The following CHP1 variants were observed in gnomAD, a reference collection of about 807,000 sequenced individuals.
The protein encoded by CHP1 is calcineurin like EF-hand protein 1, also known as calcineurin B homologous protein 1.
In CHP1, 11 loss-of-function variants were observed where a neutral mutation model predicts 27.4. That is an observed-to-expected ratio of 0.40 (90% CI 0.25 to 0.67). The LOEUF is 0.67. CHP1 is among the 30% of genes least tolerant of loss of function. The pLI is 0.38. For synonymous variants in CHP1, 89 were observed against 87.4 expected, an observed-to-expected ratio of 1.02 and a Z score of -0.10; for missense variants, 169 against 251.3, an observed-to-expected ratio of 0.67 and a Z score of 2.22.
In CHP1 at chr15:41,278,902, C is replaced by T; in HGVS notation, c.534+13C>T. 1 of 1,613,790 alleles carries T rather than the reference C, an allele frequency of 6.2e-7. No homozygotes were observed. Among genetic ancestry groups the T allele is most frequent in the Non-Finnish European group, 8.5e-7 (1 of 1,179,856 alleles). On this transcript the variant is annotated intron_variant, in intron 6 of 6. Coordinates refer to ENST00000334660, the MANE Select transcript of CHP1 (RefSeq NM_007236.5). ...AGAATTTGTTAAGGTTGGTCACTTA[C>T]TTCTTGTTTGAAAAAGTTACGTTTT...
At chr15:41,261,184 T>C (rs1370177426) in intron 3 of CHP1, among the ~76,000 whole-genome samples, 1 of 151,420 alleles carries the variant, frequency 6.6e-6, no homozygotes, top group Admixed American at 6.6e-5. Flanking sequence ...TGACATAGTC[T>C]TGCTGTGTCA....
chr15:41,247,157 C>G (rs2047339389), intron 2 of CHP1, among the ~76,000 whole-genome samples: 1 of 151,222 alleles, frequency 6.6e-6, no homozygotes, highest in South Asian at 2.1e-4. Context: ...TCACTTGAGG[C>G]CAGGAGTTTG....
At chr15:41,258,107 C>T (rs116301020) in intron 3 of CHP1, among the ~76,000 whole-genome samples, 3,101 of 152,118 alleles carry the variant, frequency 0.02, 109 homozygotes, top group African/African-American at 0.071. Flanking sequence ...TACATACATG[C>T]CTACATGTAC....
chr15:41,254,313 TCAG>T (rs2047387142), intron 2 of CHP1, among the ~76,000 whole-genome samples: 3 of 152,194 alleles, frequency 2.0e-5, no homozygotes. Context: ...CTGCCTTTTC[TCAG>T]CTAAAGTTTC....
chr15:41,252,926 G>GTTTTTTTTTT (rs1567007144), intron 2 of CHP1, among the ~76,000 whole-genome samples: 2 of 109,050 alleles, frequency 1.8e-5, no homozygotes, highest in African/African-American at 6.8e-5. Context: ...TATTTCACAT[G>GTTTTTTTTTT]GTTTTTTTTT....
chr15:41,247,435 C>A (rs1437308848), intron 2 of CHP1, among the ~76,000 whole-genome samples: 1 of 151,618 alleles, frequency 6.6e-6, no homozygotes, highest in East Asian at 1.9e-4. Context: ...TTTGGGAGGC[C>A]GAGATGGGTG....
intron 2 of CHP1, among the ~76,000 whole-genome samples, chr15:41,244,224 A>G (rs1320273250): frequency 2.0e-5 from 3 of 151,430 alleles, no homozygotes; most frequent in African/African-American, 7.3e-5. Flanking sequence ...CAGCGGAACT[A>G]TGACAATTAA....
At chr15:41,279,208 T>TA in intron 6 of CHP1, 128 bp from the exon 7 acceptor site, 1 of 680,376 alleles carries the variant, frequency 1.5e-6, no homozygotes, top group Non-Finnish European at 2.4e-6. Context: ...AGACTCTGCC[T>TA]CCAAAAAAAA....
In CHP1 at chr15:41,274,121, T is replaced by C. The variant is rs545281546; in HGVS notation, c.411+3503T>C. ...GACTATAGGCACCTGCCACCACGCC[T>C]GGCTAATTTTTGTATTTTTAGTAGA... is the stretch of plus-strand genomic sequence containing the variant. On this transcript the variant is annotated intron_variant, in intron 5 of 6. Transcript: ENST00000334660. Among the ~76,000 whole-genome samples, 571 of 151,830 alleles carry C rather than the reference T, an allele frequency of 3.8e-3. 2 individuals are homozygous for C. Among genetic ancestry groups the C allele is most frequent in the South Asian group, 7.3e-3 (35 of 4,798 alleles).
At chr15:41,246,766 G>A (rs982632652) in intron 2 of CHP1, among the ~76,000 whole-genome samples, 4 of 150,246 alleles carry the variant, frequency 2.7e-5, no homozygotes, top group Admixed American at 6.7e-5. Flanking sequence ...TTAGCTGGGC[G>A]TGGTGGCAGG....
chr15:41,273,684 A>AT (rs1438356738), intron 5 of CHP1, among the ~76,000 whole-genome samples: 4 of 151,310 alleles, frequency 2.6e-5, no homozygotes, highest in African/African-American at 9.7e-5. Context: ...TCCATTCATG[A>AT]TTTAAAAAAA....
chr15:41,277,515 C>T (rs1158182124), intron 5 of CHP1, among the ~76,000 whole-genome samples: 2 of 152,090 alleles, frequency 1.3e-5, no homozygotes, highest in African/African-American at 2.4e-5. Flanking sequence ...AGTGGCTGGG[C>T]GCAGTGGCTC....
chr15:41,231,553 G>A (rs1003344853), intron 1 of CHP1, 104 bp downstream of exon 1: 103 of 1,111,106 alleles, frequency 9.3e-5, no homozygotes, highest in Non-Finnish European at 1.3e-4. Context: ...TGAGGTTGGG[G>A]GGTCCTGGGC....
In CHP1 at chr15:41,240,977, C is replaced by G. The variant is rs559067024; in HGVS notation, c.68-2690C>G. On this transcript the variant is annotated intron_variant, in intron 1 of 6. Coordinates refer to ENST00000334660, the MANE Select transcript of CHP1 (RefSeq NM_007236.5). ...AAGTGATTCTCCTGCCTCAGCTTCC[C>G]AAGTAGCTGGGACTAGAGGCAGACG... 1.8e-4 allele frequency among the ~76,000 whole-genome samples: 27 copies of G among 151,876 alleles called. 2 individuals are homozygous for G. The highest frequency in any genetic ancestry group is 3.5e-4 in the Non-Finnish European group (24 of 67,956).
intron 5 of CHP1, among the ~76,000 whole-genome samples, chr15:41,270,942 C>G (rs949452554): frequency 6.6e-6 from 1 of 152,040 alleles, no homozygotes; most frequent in Admixed American, 6.6e-5. Flanking sequence ...GGTAAAAACC[C>G]ATTTCTAGTA....
At chr15:41,279,229 T>TAA in intron 6 of CHP1, 107 bp from the exon 7 acceptor site, 1 of 900,522 alleles carries the variant, frequency 1.1e-6, no homozygotes, top group East Asian at 2.6e-5. Context: ...AAAAAAAAGT[T>TAA]ACGTTTTACT....
intron 3 of CHP1, among the ~76,000 whole-genome samples, chr15:41,259,894 CAG>C (rs1253270800): frequency 6.6e-6 from 1 of 152,188 alleles, no homozygotes; most frequent in East Asian, 1.9e-4. Flanking sequence ...GCTGGGACTA[CAG>C]GCTCACGCCA....
At chr15:41,252,296 G>A (rs760815398) in intron 2 of CHP1, among the ~76,000 whole-genome samples, 6 of 151,404 alleles carry the variant, frequency 4.0e-5, no homozygotes, top group Admixed American at 6.6e-5. Context: ...AGCCTCCCAA[G>A]TAGCTGGGAT....
At chr15:41,253,423 G>GCATT (rs1555420503) in intron 2 of CHP1, among the ~76,000 whole-genome samples, 1 of 145,180 alleles carries the variant, frequency 6.9e-6, no homozygotes, top group Non-Finnish European at 1.5e-5. Flanking sequence ...AGTTGACAAA[G>GCATT]TATTTATTTA....
Sources: allele counts gnomAD v4.1 joint callset (sites outside exome capture counted in the v4.1 genomes callset), GRCh38; gene constraint gnomAD v4.1.1; transcripts MANE v1.5; gene names NCBI Gene and HGNC (gene_info 2026-07-23, HGNC 2026-07-21).